Variants in NUP214 observed in about 807,000 individuals in gnomAD.
The protein encoded by NUP214 is nucleoporin 214, also known as nuclear pore complex protein Nup214.
A neutral mutation model predicts 196.2 loss-of-function variants in NUP214; 79 were observed. The ratio of observed to expected loss-of-function variants is 0.40; its 90% CI spans 0.34 to 0.49. NUP214 has a LOEUF of 0.49. Among genes scored for constraint, NUP214 ranks in the 20% least tolerant of loss-of-function variants. The pLI is 0.58. For synonymous variants in NUP214, 1,020 were observed against 990.5 expected (o/e 1.03, Z -0.56); for missense variants, 2,468 against 2,539.0 (o/e 0.97, Z 0.60).
chr9:131,155,331 G>A (rs182459501), intron 17 of NUP214, among the ~76,000 whole-genome samples: 1 of 152,174 alleles, frequency 6.6e-6, no homozygotes, highest in East Asian at 1.9e-4. Context: ...ACTTTTTGAT[G>A]GGATTGTTTG....
At chr9:131,164,249 T>C (rs1017955058) in intron 21 of NUP214, 105 bp downstream of exon 21, 8 of 922,000 alleles carry the variant, frequency 8.7e-6, no homozygotes, top group Non-Finnish European at 1.4e-5. Flanking sequence ...TAGGGTGCTG[T>C]GTATGTGTGT....
At chr9:131,219,157 C>T (rs1253727983) in intron 31 of NUP214, among the ~76,000 whole-genome samples, 1 of 152,134 alleles carries the variant, frequency 6.6e-6, no homozygotes, top group Non-Finnish European at 1.5e-5. Flanking sequence ...CTAACCACTT[C>T]TTACAACAGT....
intron 22 of NUP214, among the ~76,000 whole-genome samples, chr9:131,174,861 C>A (rs1833071259): frequency 6.6e-6 from 1 of 152,170 alleles, no homozygotes; most frequent in Non-Finnish European, 1.5e-5. Context: ...AGATGGCTCT[C>A]CAAGTTTATG....
At position 131,164,062 on chromosome 9, in the gene NUP214, C is replaced by T. The variant is rs748927365; in HGVS notation, c.2811C>T (p.Ala937=). 1 of 1,614,086 alleles carries T rather than the reference C, an allele frequency of 6.2e-7. No homozygotes were observed. Among genetic ancestry groups the T allele is most frequent in the Non-Finnish European group, 8.5e-7 (1 of 1,180,022 alleles). ...TATGGGTTTATGGATTTCTTGCAGCCAAACTGTCCCCCATGAAACAGGCAC... is the reference window on the plus strand; with the variant it reads ...TATGGGTTTATGGATTTCTTGCAGCTAAACTGTCCCCCATGAAACAGGCAC... ...SHTKSLPKVP[A]KLSPMKQAQL... Residue 937 remains alanine (A), a splice_region_variant and synonymous_variant, in exon 21 of 36, where the codon GCC becomes GCT. Coordinates refer to ENST00000359428, the MANE Select transcript of NUP214 (RefSeq NM_005085.4).
In NUP214 at chr9:131,193,745, G is replaced by A. The variant is rs188578373; in HGVS notation, c.3659+1453G>A. Among the ~76,000 whole-genome samples the A allele has an allele frequency of 2.6e-3, 355 of 138,364 alleles. 3 individuals carry two copies. Among genetic ancestry groups the A allele is most frequent in the Middle Eastern group, 0.015 (4 of 262 alleles). 90.8% of individuals were successfully genotyped at this position (138,364 alleles called of 152,430 possible). The stretch of plus-strand genomic sequence containing the variant: ...CAGCTCACTGCAATCTTCACCTCCC[G>A]GGTTCAAGTGATTCTCTTGCCCTAG... On this transcript the variant is annotated intron_variant, in intron 27 of 35. Transcript: ENST00000359428.
chr9:131,133,357 T>C, intron 7 of NUP214, 148 bp downstream of exon 7: 1 of 534,170 alleles, frequency 1.9e-6, no homozygotes, highest in Non-Finnish European at 3.2e-6. Flanking sequence ...CAGGCTAGAG[T>C]GCAGTGATGC....
intron 14 of NUP214, among the ~76,000 whole-genome samples, chr9:131,149,625 T>G (rs1832193181): frequency 1.3e-5 from 2 of 152,034 alleles, no homozygotes; most frequent in South Asian, 4.1e-4. Context: ...GACTACTCTC[T>G]CTGCTATCCC....
At chr9:131,130,136 T>TG (rs1491299730) in intron 4 of NUP214, among the ~76,000 whole-genome samples, 5 of 51,904 alleles carry the variant, frequency 9.6e-5, no homozygotes, top group Non-Finnish European at 1.7e-4. Context: ...TTTCTGGTTT[T>TG]GTTTTTTTTT....
intron 27 of NUP214, 163 bp downstream of exon 27, chr9:131,192,455 T>C: frequency 6.6e-6 from 3 of 456,668 alleles, no homozygotes; most frequent in Non-Finnish European, 1.2e-5. Flanking sequence ...AATGTTCTCA[T>C]GTAAATCGAT....
intron 30 of NUP214, among the ~76,000 whole-genome samples, chr9:131,203,872 T>A (rs1447035256): frequency 6.6e-6 from 1 of 152,178 alleles, no homozygotes; most frequent in African/African-American, 2.4e-5. Context: ...ATTTTCTATT[T>A]AATAACCCCA....
intron 14 of NUP214, among the ~76,000 whole-genome samples, chr9:131,147,897 G>A (rs1832130815): frequency 1.3e-5 from 2 of 152,204 alleles, no homozygotes; most frequent in South Asian, 2.1e-4. Context: ...AGAATTTTAC[G>A]AGAACCTGGC....
At chr9:131,144,046 A>T (rs553673536) in intron 11 of NUP214, among the ~76,000 whole-genome samples, 69 of 152,308 alleles carry the variant, frequency 4.5e-4, no homozygotes, top group African/African-American at 1.5e-3. Flanking sequence ...AGCACTGAGA[A>T]GTCCATGAAG....
intron 17 of NUP214, among the ~76,000 whole-genome samples, chr9:131,152,616 A>G (rs962191679): frequency 2.0e-5 from 3 of 152,116 alleles, no homozygotes; most frequent in Non-Finnish European, 2.9e-5. Flanking sequence ...CTGCAAGGTA[A>G]GAGTTACTGG....
chr9:131,151,606 C>T lies in NUP214; in HGVS notation c.2278-130C>T, dbSNP rs140719644. On this transcript the variant is annotated intron_variant, in intron 16 of 35. Coordinates refer to ENST00000359428, the MANE Select transcript of NUP214 (RefSeq NM_005085.4). ...TCTAAACAGTTAAATTCTTTTTTTA[C>T]CTGAGTTAAATATGTTCAGATGTTC... The T allele has an allele frequency of 8.8e-4, 531 of 601,518 alleles. 11 individuals are homozygous for T. The South Asian group carries it at 0.015, about 17-fold the overall frequency. 37.3% of individuals were successfully genotyped at this position (601,518 alleles called of 1,614,324 possible).
At chr9:131,209,019 A>C (rs939932828) in intron 30 of NUP214, among the ~76,000 whole-genome samples, 6 of 152,178 alleles carry the variant, frequency 3.9e-5, no homozygotes, top group African/African-American at 1.4e-4. Context: ...TCTCAAAAAA[A>C]TAAATAATAA....
chr9:131,162,786 G>A, intron 18 of NUP214: 1 of 572,430 alleles, frequency 1.7e-6, no homozygotes, highest in East Asian at 3.1e-5. Context: ...CCTGTTTCCA[G>A]CTGTTTTCTC....
chr9:131,144,743 C>T lies in NUP214; in HGVS notation c.1758C>T (p.Asn586=). ...FPPSTSAVKV[N]LSEKFTAAAT... ...CCTCAACCTCTGCTGTCAAAGTCAACCTTAGTGAAAAGTAAGTCACTTCTA... is the reference window on the plus strand; with the variant it reads ...CCTCAACCTCTGCTGTCAAAGTCAATCTTAGTGAAAAGTAAGTCACTTCTA... The change falls in exon 12 of 36, where the codon AAC becomes AAT. Residue 586 remains asparagine (N), a synonymous_variant. Transcript: ENST00000359428. 6.3e-7 allele frequency: 1 copy of T among 1,599,222 alleles called. No homozygotes were observed.
intron 24 of NUP214, among the ~76,000 whole-genome samples, chr9:131,185,770 G>C (rs1169131083): frequency 6.6e-6 from 1 of 152,108 alleles, no homozygotes; most frequent in Non-Finnish European, 1.5e-5. Flanking sequence ...TTCTTTGCAG[G>C]GGTGTCACGT....
Position 131,198,918 on chromosome 9 carries a change from G to C in NUP214, c.5424G>C (p.Gln1808His). 1.2e-6 allele frequency: 2 copies of C among 1,614,204 alleles called. No homozygotes were observed. The highest frequency in any genetic ancestry group is 2.2e-5 in the South Asian group (2 of 91,082). ...FGQSNAPAFGQSPGFGQGGSV... is the reference protein window; with the variant it reads ...FGQSNAPAFGHSPGFGQGGSV... ...AAAGCAACGCTCCTGCTTTTGGGCA[G>C]AGTCCTGGCTTTGGACAGGGAGGCT... The change falls in exon 29 of 36, where the codon CAG becomes CAC. Residue 1808 changes from glutamine (Q) to histidine (H), a missense_variant. Coordinates refer to ENST00000359428, the MANE Select transcript of NUP214 (RefSeq NM_005085.4).
Sources: allele counts gnomAD v4.1 joint callset (sites outside exome capture counted in the v4.1 genomes callset), GRCh38; gene constraint gnomAD v4.1.1; transcripts MANE v1.5; gene names NCBI Gene and HGNC (gene_info 2026-07-23, HGNC 2026-07-21).